Variants in KNDC1 observed in about 807,000 individuals in gnomAD.
KNDC1 encodes kinase non-catalytic C-lobe domain containing 1.
A neutral mutation model predicts 172.8 loss-of-function variants in KNDC1; 106 were observed. That is an observed-to-expected ratio of 0.61 (90% CI 0.52 to 0.72). The LOEUF (loss-of-function observed/expected upper bound fraction) is 0.72, where lower values mean the gene tolerates loss of function less well. KNDC1 is among the 30% of genes least tolerant of loss of function. KNDC1 has a pLI of 0.00. For synonymous variants in KNDC1, 1,083 were observed against 1,062.2 expected (o/e 1.02, Z -0.38); for missense variants, 2,325 against 2,394.5 (o/e 0.97, Z 0.61).
Position 133,224,467 on chromosome 10 carries a change from G to A in KNDC1, c.5019-192G>A, listed in dbSNP as rs549645364. Among the ~76,000 whole-genome samples, 20 of 152,286 alleles carry A rather than the reference G, an allele frequency of 1.3e-4. No homozygotes were observed. Among genetic ancestry groups the A allele is most frequent in the African/African-American group, 4.6e-4 (19 of 41,558 alleles). On this transcript the variant is annotated intron_variant, in intron 29 of 29. Transcript: ENST00000304613. The surrounding 1 kb of genome is among the most constrained non-coding windows in gnomAD (Gnocchi z 5.4). ...GGACTGAAATGTGGATGGATGGACA[G>A]TCAGACAGACGGAAAGGTCTGAGTA...
intron 4 of KNDC1, 144 bp downstream of exon 4, chr10:133,183,634 G>C (rs1853792121): frequency 7.4e-6 from 8 of 1,079,590 alleles, no homozygotes; most frequent in Middle Eastern, 3.2e-4. Flanking sequence ...GCTTAAAGGA[G>C]GACTTGGTTT....
chr10:133,221,940 C>T lies in KNDC1; in HGVS notation c.5018+1828C>T, dbSNP rs1284221679. ...AGGCCGGGCTGGGTGCAGCCACTCA[C>T]GCCTGTAACCCTAGGTGGGCCGGGC... On this transcript the variant is annotated intron_variant, in intron 29 of 29. Coordinates refer to ENST00000304613, the MANE Select transcript of KNDC1 (RefSeq NM_152643.8). Among the ~76,000 whole-genome samples, 6 of 70,164 alleles carry T rather than the reference C, an allele frequency of 8.6e-5. 1 individual carries two copies. The highest frequency in any genetic ancestry group is 1.2e-4 in the African/African-American group (3 of 25,794). The allele number at this position is 70,164 out of a possible 152,430, so 46.0% of individuals were successfully genotyped here. A position where few individuals can be genotyped will look rare whatever the true frequency, so the allele number is the denominator to read the frequency against.
chr10:133,188,480 C>A, intron 6 of KNDC1, 59 bp from the exon 7 acceptor site: 1 of 1,149,184 alleles, frequency 8.7e-7, no homozygotes, highest in Non-Finnish European at 1.3e-6. Flanking sequence ...CATGCCTCTC[C>A]AGGCGGCGGG....
intron 21 of KNDC1, among the ~76,000 whole-genome samples, chr10:133,211,023 CAGTG>C (rs1279566990): frequency 1.3e-5 from 2 of 151,984 alleles, no homozygotes; most frequent in Admixed American, 1.3e-4. Flanking sequence ...GGTGGGCAGG[CAGTG>C]AGAGCCAGAA....
At position 133,186,293 on chromosome 10, in the gene KNDC1, C is replaced by T. The variant is rs749961179; in HGVS notation, c.945C>T (p.Ser315=). The change falls in exon 6 of 30, where the codon AGC becomes AGT. Residue 315 remains serine (S), a synonymous_variant. Coordinates refer to ENST00000304613, the MANE Select transcript of KNDC1 (RefSeq NM_152643.8). ...CGTTCCCTAGGCTGCTGTCCGACAG[C>T]CCCGAGGCCACCCTCTGCCTGCCGC... The part of the protein sequence containing the change: ...VQTFPRLLSD[S]PEATLCLPLT... The T allele has an allele frequency of 6.2e-7, 1 of 1,611,228 alleles. No individual in the cohort carries two copies. Among genetic ancestry groups the T allele is most frequent in the African/African-American group, 1.3e-5 (1 of 74,880 alleles).
chr10:133,214,072 G>A lies in KNDC1; in HGVS notation c.4627G>A (p.Asp1543Asn), dbSNP rs1226779520. The change falls in exon 26 of 30, where the codon GAC becomes AAC. Residue 1543 changes from aspartate (D) to asparagine (N), a missense_variant. Transcript: ENST00000304613. ...GTTACAGCTTCTAAGAAACGCAGAT[G>A]ACGTCAGCACCTGGGTGGCTGCAGA... ...YLLQLLRNAD[D>N]VSTWVAAEIV... The A allele has an allele frequency of 6.2e-7, 1 of 1,614,082 alleles. No homozygotes were observed. The highest frequency in any genetic ancestry group is 8.5e-7 in the Non-Finnish European group (1 of 1,180,028).
intron 1 of KNDC1, among the ~76,000 whole-genome samples, chr10:133,165,588 C>T (rs1024501043): frequency 4.6e-5 from 7 of 152,198 alleles, no homozygotes; most frequent in Non-Finnish European, 7.3e-5. Flanking sequence ...CGTCTGTGCC[C>T]GTGTTTGCAG....
At chr10:133,179,025 A>G (rs1853638376) in intron 3 of KNDC1, 1 of 152,250 alleles carries the variant, frequency 6.6e-6, no homozygotes, top group Non-Finnish European at 1.5e-5. Flanking sequence ...CAGTGAGTGC[A>G]TCCAGCGTCC....
Position 133,222,048 on chromosome 10 carries a change from G to A in KNDC1, c.5018+1936G>A, listed in dbSNP as rs1178578428. ...AGTAACTCTAACACTCTGGGAGGCC[G>A]AGGCGGGCGGATCACTTGAGGTCAG... On this transcript the variant is annotated intron_variant, in intron 29 of 29. Coordinates refer to ENST00000304613, the MANE Select transcript of KNDC1 (RefSeq NM_152643.8). Among the ~76,000 whole-genome samples, 6 of 69,562 alleles carry A rather than the reference G, an allele frequency of 8.6e-5. 2 individuals carry two copies. The highest frequency in any genetic ancestry group is 6.6e-4 in the Admixed American group (4 of 6,076). 45.6% of individuals were successfully genotyped at this position (69,562 alleles called of 152,430 possible).
chr10:133,197,005 G>T, intron 10 of KNDC1, 53 bp from the exon 11 acceptor site: 1 of 1,429,276 alleles, frequency 7.0e-7, no homozygotes, highest in Non-Finnish European at 9.9e-7. Context: ...CACGGGGACG[G>T]TGCAGCCGTG....
intron 3 of KNDC1, among the ~76,000 whole-genome samples, chr10:133,179,878 C>G (rs1853665470): frequency 6.6e-6 from 1 of 152,220 alleles, no homozygotes; most frequent in South Asian, 2.1e-4. Context: ...CAGCCTGTTC[C>G]CTCCGCTGAC....
At chr10:133,217,122 G>A (rs559957244) in intron 26 of KNDC1, among the ~76,000 whole-genome samples, 123 of 152,388 alleles carry the variant, frequency 8.1e-4, no homozygotes, top group African/African-American at 2.9e-3. Context: ...AGTTAACACG[G>A]CTGAACCGTG....
At position 133,183,187 on chromosome 10, in the gene KNDC1, C is replaced by T. The variant is rs186281722; in HGVS notation, c.361-157C>T. Among the ~76,000 whole-genome samples the T allele has an allele frequency of 8.1e-3, 1,233 of 151,680 alleles. 17 individuals carry two copies. Among genetic ancestry groups the T allele is most frequent in the African/African-American group, 0.028 (1,149 of 41,344 alleles). On this transcript the variant is annotated intron_variant, in intron 3 of 29. Transcript: ENST00000304613. ...AGGGTGCCAGCGGCGTGGGCGCGGG[C>T]GGCAAGGGTGTGGGCAGCGTGGGCA... is the stretch of plus-strand genomic sequence containing the variant.
chr10:133,189,085 A>G (rs1854006485), intron 7 of KNDC1, among the ~76,000 whole-genome samples: 1 of 152,098 alleles, frequency 6.6e-6, no homozygotes. Flanking sequence ...AATCTTCAGC[A>G]TTGCACGGGT....
chr10:133,180,023 GC>G (rs1456542062), intron 3 of KNDC1, among the ~76,000 whole-genome samples: 2 of 152,232 alleles, frequency 1.3e-5, no homozygotes, highest in Admixed American at 6.5e-5. Flanking sequence ...GCCTCGTCCT[GC>G]TGCCCTGGGG....
In KNDC1 at chr10:133,201,883, C is replaced by T; in HGVS notation, c.3372C>T (p.Pro1124=). ...GGCAGCAGGCGGACGGGGCCCTGCC[C>T]GACGCCCAGAGCCCGGTGAGTCCCA... ...LGRQQADGAL[P]DAQSPELEQQ... is the part of the protein sequence containing the mutation. Residue 1124 remains proline, a synonymous_variant, in exon 17 of 30, where the codon CCC becomes CCT. Transcript: ENST00000304613. 9 of 1,469,732 alleles carry T rather than the reference C, an allele frequency of 6.1e-6. No individual in the cohort carries two copies. The highest frequency in any genetic ancestry group is 1.4e-5 in the African/African-American group (1 of 70,572). The allele number at this position is 1,469,732 out of a possible 1,614,324, so 91.0% of individuals were successfully genotyped here.
chr10:133,214,621 T>C (rs928554774), intron 26 of KNDC1, among the ~76,000 whole-genome samples: 1 of 152,240 alleles, frequency 6.6e-6, no homozygotes, highest in African/African-American at 2.4e-5. Flanking sequence ...GCCCCTGGGC[T>C]GGGGCTTGTG....
intron 3 of KNDC1, among the ~76,000 whole-genome samples, chr10:133,178,274 C>T (rs1424614843): frequency 6.6e-5 from 10 of 152,098 alleles, no homozygotes; most frequent in African/African-American, 1.4e-4. Flanking sequence ...TAGCATGGTG[C>T]ATGTCTGCAG....
At chr10:133,192,375 A>T (rs185531758) in intron 9 of KNDC1, among the ~76,000 whole-genome samples, 21 of 152,356 alleles carry the variant, frequency 1.4e-4, no homozygotes, top group Non-Finnish European at 1.3e-4. Flanking sequence ...TCTTTGACAG[A>T]GCTGACAAAA....
Sources: gnomAD v4.1 joint callset for allele counts (sites outside exome capture counted in the v4.1 genomes callset) on GRCh38, gnomAD v4.1.1 for gene constraint, Gnocchi (gnomAD v3.1) non-coding constraint, MANE v1.5 for transcripts, NCBI Gene and HGNC (gene_info 2026-07-23, HGNC 2026-07-21) for gene names.